Variants in KIF13B observed in about 807,000 individuals in gnomAD.
The protein encoded by KIF13B is kinesin family member 13B, also known as kinesin-like protein KIF13B.
Under a neutral mutation model 222.0 loss-of-function variants are expected in KIF13B, and 127 were observed. That is an observed-to-expected ratio of 0.57 (90% confidence interval 0.50 to 0.66). KIF13B has a LOEUF of 0.66. Among genes scored for constraint, KIF13B ranks in the 30% least tolerant of loss-of-function variants. The pLI is 0.00. For synonymous variants in KIF13B, 976 were observed against 919.0 expected (o/e 1.06, Z -1.12); for missense variants, 2,173 against 2,379.0 (o/e 0.91, Z 1.80).
chr8:29,198,820 G>A (rs897910992), intron 2 of KIF13B, among the ~76,000 whole-genome samples: 7 of 152,162 alleles, frequency 4.6e-5, no homozygotes, highest in Non-Finnish European at 8.8e-5. Context: ...ACTCAGGAAT[G>A]AAAAACCAAA....
At chr8:29,186,133 AG>A (rs1812915505) in intron 6 of KIF13B, among the ~76,000 whole-genome samples, 158 bp downstream of exon 6, 2 of 152,238 alleles carry the variant, frequency 1.3e-5, no homozygotes, top group Non-Finnish European at 1.5e-5. Context: ...TCTTGAGCCC[AG>A]GAGTTCAAGG....
intron 37 of KIF13B, among the ~76,000 whole-genome samples, chr8:29,089,782 T>C (rs1238003313): frequency 6.7e-6 from 1 of 149,734 alleles, no homozygotes; most frequent in Non-Finnish European, 1.5e-5. Flanking sequence ...TAATCCCAGC[T>C]ACTCAGGAGG....
intron 2 of KIF13B, among the ~76,000 whole-genome samples, chr8:29,202,391 C>T (rs557573583): frequency 6.6e-6 from 1 of 152,296 alleles, no homozygotes; most frequent in South Asian, 2.1e-4. Context: ...GATCTTGGCT[C>T]ACTGTAATCT....
At chr8:29,139,733 A>C (rs1810722721) in intron 21 of KIF13B, among the ~76,000 whole-genome samples, 1 of 152,086 alleles carries the variant, frequency 6.6e-6, no homozygotes, top group African/African-American at 2.4e-5. Context: ...TGTACATTGC[A>C]CCTGCGCCCC....
intron 35 of KIF13B, among the ~76,000 whole-genome samples, chr8:29,104,961 G>T (rs113785221): frequency 1.4e-5 from 2 of 145,428 alleles, no homozygotes; most frequent in Admixed American, 6.8e-5. Context: ...AGCCAGGATG[G>T]TTTTTTTTCC....
intron 18 of KIF13B, among the ~76,000 whole-genome samples, chr8:29,142,958 T>C (rs1213212519): frequency 6.6e-6 from 1 of 152,150 alleles, no homozygotes. Flanking sequence ...GCTCCAGTGA[T>C]ACTCCTGCCT....
In KIF13B at chr8:29,200,887, AT is replaced by A. The variant is rs374678175; in HGVS notation, c.150-4689del. On this transcript the variant is annotated intron_variant, in intron 2 of 39. Coordinates refer to ENST00000524189, the MANE Select transcript of KIF13B (RefSeq NM_015254.4). ...TTGGCAAGCCCACCACTGAAGTCAC[AT>A]TGCGCCCTCCTTGGTGCATTCTACC... 4.6e-5 allele frequency among the ~76,000 whole-genome samples: 7 copies of A among 152,258 alleles called. No homozygotes were observed. The South Asian group carries it at 8.3e-4, about 18-fold the overall frequency.
At chr8:29,084,715 T>C (rs966438448) in intron 37 of KIF13B, among the ~76,000 whole-genome samples, 6 of 152,238 alleles carry the variant, frequency 3.9e-5, no homozygotes, top group African/African-American at 1.4e-4. Flanking sequence ...CACAAACTTC[T>C]AGATACATGA....
intron 26 of KIF13B, among the ~76,000 whole-genome samples, chr8:29,124,826 T>G (rs1810035603): frequency 6.7e-6 from 1 of 148,222 alleles, no homozygotes; most frequent in Non-Finnish European, 1.5e-5. Flanking sequence ...GAGGTTGCAA[T>G]GAGCCGAGAC....
At chr8:29,091,865 T>C (rs981983818) in intron 37 of KIF13B, among the ~76,000 whole-genome samples, 3 of 152,254 alleles carry the variant, frequency 2.0e-5, no homozygotes, top group Admixed American at 6.5e-5. Context: ...TGTATGCTTA[T>C]TTATATGCTT....
intron 1 of KIF13B, among the ~76,000 whole-genome samples, chr8:29,255,337 T>C (rs916040341): frequency 2.0e-5 from 3 of 152,140 alleles, no homozygotes; most frequent in African/African-American, 4.8e-5. Flanking sequence ...CCTCAATAGA[T>C]AGAAAATACA....
At chr8:29,246,890 T>A (rs984843588) in intron 1 of KIF13B, among the ~76,000 whole-genome samples, 7 of 152,154 alleles carry the variant, frequency 4.6e-5, no homozygotes, top group Non-Finnish European at 1.0e-4. Flanking sequence ...ACACTGGATA[T>A]CCACAGGCAA....
At chr8:29,099,070 T>C (rs993469334) in intron 36 of KIF13B, 63 bp downstream of exon 36, 132 of 1,318,406 alleles carry the variant, frequency 1.0e-4, no homozygotes, top group Non-Finnish European at 2.0e-5. Context: ...GAAATTCTAA[T>C]TTAAACTTTC....
At chr8:29,094,241 C>T (rs1386792392) in intron 36 of KIF13B, among the ~76,000 whole-genome samples, 1 of 151,120 alleles carries the variant, frequency 6.6e-6, no homozygotes, top group Non-Finnish European at 1.5e-5. Flanking sequence ...ACAGGCAATA[C>T]AGGGGACAGA....
rs1293502670 is a variant in KIF13B, at chr8:29,148,559, C to T, written c.1813+18G>A. On this transcript the variant is annotated intron_variant, in intron 16 of 39. Transcript: ENST00000524189. ...ACCAACTGGAACTGATTCTCAAGTG[C>T]ACGCCCGACTTGCTCACCATTGCTG... The T allele has an allele frequency of 3.9e-6, 6 of 1,551,148 alleles. 1 individual carries two copies. Among genetic ancestry groups the T allele is most frequent in the Admixed American group, 3.9e-5 (2 of 50,702 alleles).
chr8:29,093,326 T>C (rs1194512133), intron 36 of KIF13B, among the ~76,000 whole-genome samples: 2 of 152,328 alleles, frequency 1.3e-5, no homozygotes, highest in East Asian at 1.9e-4. Flanking sequence ...TGAAGGAAGA[T>C]GATGAAACTG....
rs142434911 is a variant in KIF13B at position 29,234,297 on chromosome 8, AAATGTGGT to A, written c.149+11041_149+11048del. Among the ~76,000 whole-genome samples the A allele has an allele frequency of 5.6e-3, 859 of 152,192 alleles. 8 individuals carry two copies. The highest frequency in any genetic ancestry group is 0.02 in the African/African-American group (814 of 41,504). ...CCGTCGGCCGATGAATGGATGGGCA[AAATGTGGT>A]TTATCCATACAATGAAGTATTACTC... On this transcript the variant is annotated intron_variant, in intron 2 of 39. Transcript: ENST00000524189.
At chr8:29,110,100 A>T in intron 32 of KIF13B, 30 bp from the exon 33 acceptor site, 4 of 1,546,280 alleles carry the variant, frequency 2.6e-6, no homozygotes, top group Non-Finnish European at 3.5e-6. Flanking sequence ...ACATTATAAA[A>T]GCTTCTTGAT....
Position 29,071,544 on chromosome 8 carries a change from C to A in KIF13B, c.5218+76G>T. 9 of 1,333,514 alleles carry A rather than the reference C, an allele frequency of 6.7e-6. No individual in the cohort carries two copies. In the South Asian group the frequency reaches 1.1e-4, roughly 17 times the overall value. The allele number at this position is 1,333,514 out of a possible 1,614,324, so 82.6% of individuals were successfully genotyped here. ...CTCCCTCTCCTGCCCGGACCCTGTC[C>A]CCTCCCAGGCCGGCCACGTTCCTGC... On this transcript the variant is annotated intron_variant, in intron 39 of 39. Transcript: ENST00000524189. The surrounding 1 kb of genome is among the most constrained non-coding windows in gnomAD (Gnocchi z 4.9).
Sources: gnomAD v4.1 joint callset for allele counts (sites outside exome capture counted in the v4.1 genomes callset) on GRCh38, gnomAD v4.1.1 for gene constraint, Gnocchi (gnomAD v3.1) non-coding constraint, MANE v1.5 for transcripts, NCBI Gene and HGNC (gene_info 2026-07-23, HGNC 2026-07-21) for gene names.